The following CDKAL1 variants were observed in gnomAD, a reference collection of about 807,000 sequenced individuals.
CDKAL1 encodes CDKAL1 threonylcarbamoyladenosine tRNA methylthiotransferase.
A neutral mutation model predicts 68.2 loss-of-function variants in CDKAL1; 32 were observed. The ratio of observed to expected loss-of-function variants is 0.47; its 90% CI spans 0.35 to 0.63. The LOEUF is 0.63. Ranked by LOEUF, CDKAL1 falls within the 30% of genes least tolerant of loss-of-function variation. CDKAL1 has a pLI of 0.00. For missense variants in CDKAL1, 606 were observed against 696.7 expected (o/e 0.87, Z 1.47); for synonymous variants, 234 against 244.3 (o/e 0.96, Z 0.39).
chr6:21,000,404 TTTC>T (rs1186655785), intron 11 of CDKAL1, 32 bp downstream of exon 11: 1 of 1,567,982 alleles, frequency 6.4e-7, no homozygotes, highest in African/African-American at 1.4e-5. Flanking sequence ...AAAATAACCA[TTTC>T]TTTTTTCTTT....
intron 8 of CDKAL1, among the ~76,000 whole-genome samples, chr6:20,820,969 G>A (rs1266451868): frequency 3.3e-5 from 5 of 151,942 alleles, no homozygotes; most frequent in Admixed American, 3.3e-4. Flanking sequence ...TTTAGGGGTG[G>A]CCTTCGAGAT....
chr6:20,740,259 T>A (rs1773388992), intron 6 of CDKAL1, among the ~76,000 whole-genome samples: 1 of 152,196 alleles, frequency 6.6e-6, no homozygotes, highest in African/African-American at 2.4e-5. Context: ...TAGTAAGCAC[T>A]CAATAAGTGT....
intron 9 of CDKAL1, among the ~76,000 whole-genome samples, chr6:20,885,847 C>T (rs952811857): frequency 2.0e-5 from 3 of 152,008 alleles, no homozygotes; most frequent in Non-Finnish European, 2.9e-5. Flanking sequence ...TTTGGGAGGC[C>T]GAGGTGCATC....
chr6:20,880,491 A>C (rs1760755869), intron 9 of CDKAL1, among the ~76,000 whole-genome samples: 1 of 152,120 alleles, frequency 6.6e-6, no homozygotes, highest in African/African-American at 2.4e-5. Context: ...TTCTGACCTC[A>C]TGATCCGCCC....
intron 13 of CDKAL1, among the ~76,000 whole-genome samples, chr6:21,181,250 T>C (rs1276333598): frequency 2.6e-5 from 4 of 152,224 alleles, no homozygotes; most frequent in African/African-American, 9.6e-5. Context: ...CTCAACACTC[T>C]TACAATGGCA....
At chr6:21,122,617 G>A (rs1341608932) in intron 13 of CDKAL1, among the ~76,000 whole-genome samples, 2 of 132,510 alleles carry the variant, frequency 1.5e-5, no homozygotes, top group Non-Finnish European at 3.2e-5. Flanking sequence ...ATTTGTTACT[G>A]TATTTTATTT....
intron 8 of CDKAL1, among the ~76,000 whole-genome samples, chr6:20,832,967 G>C (rs1032978729): frequency 2.5e-4 from 38 of 152,056 alleles, no homozygotes; most frequent in African/African-American, 9.2e-4. Flanking sequence ...AAAAGAAAAG[G>C]TCACTATTTT....
chr6:20,963,083 T>C (rs1170584243), intron 10 of CDKAL1, among the ~76,000 whole-genome samples: 1 of 152,198 alleles, frequency 6.6e-6, no homozygotes, highest in Non-Finnish European at 1.5e-5. Flanking sequence ...TCAGGCTTCA[T>C]TGGGAACCTA....
chr6:21,222,127 C>T (rs1330669993), intron 15 of CDKAL1, among the ~76,000 whole-genome samples: 1 of 152,172 alleles, frequency 6.6e-6, no homozygotes, highest in African/African-American at 2.4e-5. Context: ...TTAGCAAAGC[C>T]TTGTGTTTAC....
At chr6:21,117,670 G>T (rs1200946466) in intron 13 of CDKAL1, among the ~76,000 whole-genome samples, 1 of 152,140 alleles carries the variant, frequency 6.6e-6, no homozygotes, top group East Asian at 1.9e-4. Context: ...TCTGAAATTT[G>T]TATTTAGCTG....
At chr6:21,017,154 TA>T (rs1768387317) in intron 11 of CDKAL1, among the ~76,000 whole-genome samples, 1 of 152,244 alleles carries the variant, frequency 6.6e-6, no homozygotes, top group Non-Finnish European at 1.5e-5. Flanking sequence ...CACATTGCTC[TA>T]TTTGATTGCA....
At chr6:20,806,314 A>G (rs1000625627) in intron 8 of CDKAL1, among the ~76,000 whole-genome samples, 2 of 152,210 alleles carry the variant, frequency 1.3e-5, no homozygotes, top group African/African-American at 4.8e-5. Flanking sequence ...AAGGACATAC[A>G]TGAACTTATT....
intron 11 of CDKAL1, among the ~76,000 whole-genome samples, chr6:21,059,452 T>C (rs576153803): frequency 5.1e-4 from 78 of 152,342 alleles, no homozygotes; most frequent in African/African-American, 1.8e-3. Context: ...CAGGGGGATC[T>C]ACTGATCCAT....
intron 10 of CDKAL1, among the ~76,000 whole-genome samples, chr6:20,999,376 G>T (rs1169678961): frequency 6.6e-6 from 1 of 151,832 alleles, no homozygotes. Context: ...ATGCTTACAT[G>T]AATGGTGACA....
rs533654241 is a variant in CDKAL1 at position 20,992,062 on chromosome 6, C to T, written c.910-8165C>T. Among the ~76,000 whole-genome samples, 13 of 101,696 alleles carry T rather than the reference C, an allele frequency of 1.3e-4. No individual in the cohort carries two copies. In the Admixed American group the frequency reaches 1.3e-3, roughly 11 times the overall value. The allele number at this position is 101,696 out of a possible 152,430, so 66.7% of individuals were successfully genotyped here. A position where few individuals can be genotyped will look rare whatever the true frequency, so the allele number is the denominator to read the frequency against. On this transcript the variant is annotated intron_variant, in intron 10 of 15. Transcript: ENST00000274695. ...TTTTTTTTTTTTTTTTTGAGATACT[C>T]TATCACCCAGGCTGGAATGCAGTGG...
intron 5 of CDKAL1, among the ~76,000 whole-genome samples, chr6:20,658,985 GTTA>G (rs532566610): frequency 1.3e-5 from 2 of 151,600 alleles, no homozygotes; most frequent in Admixed American, 1.3e-4. Flanking sequence ...CAGCCAATCT[GTTA>G]TTATTATTAT....
chr6:20,641,101 G>A (rs1768153174), intron 4 of CDKAL1, among the ~76,000 whole-genome samples: 1 of 152,074 alleles, frequency 6.6e-6, no homozygotes, highest in African/African-American at 2.4e-5. Context: ...TTATTTTCTT[G>A]GTTCGGTGAG....
chr6:21,121,436 TCA>T (rs1387518564), intron 13 of CDKAL1, among the ~76,000 whole-genome samples: 2 of 152,216 alleles, frequency 1.3e-5, no homozygotes, highest in Non-Finnish European at 2.9e-5. Flanking sequence ...CACCATTAAT[TCA>T]CATAACGCTA....
chr6:20,848,287 T>TTTTTTTGTTTTTTTG (rs372563354), intron 9 of CDKAL1, among the ~76,000 whole-genome samples: 1 of 59,288 alleles, frequency 1.7e-5, no homozygotes. Flanking sequence ...TTGTTTTTTT[T>TTTTTTTGTTTTTTTG]TTTTTTCCAA....
Sources: allele counts gnomAD v4.1 joint callset (sites outside exome capture counted in the v4.1 genomes callset), GRCh38; gene constraint gnomAD v4.1.1; transcripts MANE v1.5; gene names NCBI Gene and HGNC (gene_info 2026-07-23, HGNC 2026-07-21).